Variants in TMC1 observed in about 807,000 individuals in gnomAD.
The protein encoded by TMC1 is transmembrane channel like 1, also known as transmembrane channel-like protein 1.
TMC1 carries 84 observed loss-of-function variants against 105.8 expected under a neutral mutation model. That is an observed-to-expected ratio of 0.79 (90% CI 0.67 to 0.95). The LOEUF is 0.95. Among genes scored for constraint, TMC1 ranks in the 40% least tolerant of loss-of-function variants. The pLI is 0.00. For synonymous variants in TMC1, 315 were observed against 311.5 expected (o/e 1.01, Z -0.12); for missense variants, 817 against 914.1 (o/e 0.89, Z 1.37).
chr9:72,697,198 G>A (rs907960177), intron 7 of TMC1, among the ~76,000 whole-genome samples: 1 of 152,076 alleles, frequency 6.6e-6, no homozygotes, highest in African/African-American at 2.4e-5. Flanking sequence ...CTGGGTTTAT[G>A]ATGATAACCC....
At chr9:72,556,319 G>T (rs1163542972) in intron 1 of TMC1, among the ~76,000 whole-genome samples, 1 of 150,938 alleles carries the variant, frequency 6.6e-6, no homozygotes, top group Non-Finnish European at 1.5e-5. Context: ...GTTTCACCGT[G>T]TTGGCCAGGC....
Position 72,694,260 on chromosome 9 carries a change from C to T in TMC1, c.65-283C>T, listed in dbSNP as rs565671519. On this transcript the variant is annotated intron_variant, in intron 6 of 23. Transcript: ENST00000297784. Reference sequence around the variant, plus strand: ...TTAACCACCAAGCTATTTAGTTACTCAAGTAAATGAAGACCAGAACTTCTT... The same window carrying T: ...TTAACCACCAAGCTATTTAGTTACTTAAGTAAATGAAGACCAGAACTTCTT... Among the ~76,000 whole-genome samples, 25 of 152,232 alleles carry T rather than the reference C, an allele frequency of 1.6e-4. No individual in the cohort carries two copies. The East Asian group carries it at 4.8e-3, about 29-fold the overall frequency.
intron 8 of TMC1, among the ~76,000 whole-genome samples, chr9:72,702,400 C>T (rs1349774242): frequency 6.6e-6 from 1 of 151,972 alleles, no homozygotes; most frequent in African/African-American, 2.4e-5. Context: ...CACATTTGAT[C>T]GAGTTGTGTA....
intron 8 of TMC1, 110 bp downstream of exon 8, chr9:72,700,753 CACACACAT>C (rs1266293841): frequency 1.2e-5 from 2 of 173,010 alleles, no homozygotes; most frequent in Non-Finnish European, 1.8e-5. Flanking sequence ...TACACACACA[CACACACAT>C]ACACACACAC....
Sources: gnomAD v4.1 joint callset for allele counts (sites outside exome capture counted in the v4.1 genomes callset) on GRCh38, gnomAD v4.1.1 for gene constraint, MANE v1.5 for transcripts, NCBI Gene and HGNC (gene_info 2026-07-23, HGNC 2026-07-21) for gene names.